The following C8orf58 variants were observed in gnomAD, a reference collection of about 807,000 sequenced individuals.
The protein encoded by C8orf58 is chromosome 8 open reading frame 58.
In C8orf58, 31 loss-of-function variants were observed where a neutral mutation model predicts 36.8. The observed-to-expected ratio is 0.84, with a 90% confidence interval of 0.63 to 1.14. The LOEUF is 1.14. Ranked by LOEUF, C8orf58 falls within the 50% of genes most tolerant of loss-of-function variation. C8orf58 has a pLI of 0.00. For synonymous variants in C8orf58, 230 were observed against 200.2 expected, an observed-to-expected ratio of 1.15 and a Z score of -1.26; for missense variants, 538 against 480.8, an observed-to-expected ratio of 1.12 and a Z score of -1.11.
At position 22,601,218 on chromosome 8, in the gene C8orf58, C is replaced by T; in HGVS notation, c.377C>T (p.Thr126Ile). Residue 126 changes from threonine (T) to isoleucine (I), a missense_variant, in exon 2 of 7, where the codon ACA becomes ATA. Thr to Ile is a moderately conservative substitution (Grantham distance 89, BLOSUM62 -1). Transcript: ENST00000289989. Reference sequence around the variant, plus strand: ...TTGGAGCGGTCCCGCCGGCTCCCAACAGCTCCCACCAGCTTGTCAGGACAA... The same window carrying T: ...TTGGAGCGGTCCCGCCGGCTCCCAATAGCTCCCACCAGCTTGTCAGGACAA... ...EVLERSRRLP[T>I]APTSLSGQHR... 6.2e-7 allele frequency: 1 copy of T among 1,609,666 alleles called. No homozygotes were observed. The highest frequency in any genetic ancestry group is 8.5e-7 in the Non-Finnish European group (1 of 1,178,682).
At position 22,603,317 on chromosome 8, in the gene C8orf58, T is replaced by G; in HGVS notation, c.*11T>G. On this transcript the variant is annotated 3_prime_UTR_variant, in exon 7 of 7. Transcript: ENST00000289989. ...CTTTCTGTAGGCTGAGACCTCTCGG[T>G]GCACCTGGTGACCCTGGGTGGAGGG... The G allele has an allele frequency of 6.3e-7, 1 of 1,582,766 alleles. No homozygotes were observed. The highest frequency in any genetic ancestry group is 2.2e-5 in the East Asian group (1 of 44,734).
chr8:22,600,065 C>T (rs1035020715), intron 1 of C8orf58: 1 of 269,570 alleles, frequency 3.7e-6, no homozygotes, highest in African/African-American at 2.2e-5. Context: ...CGCCCCAGCC[C>T]CCTCCGTGGC....
chr8:22,600,564 C>T (rs976466042), intron 1 of C8orf58: 1 of 352,142 alleles, frequency 2.8e-6, no homozygotes, highest in African/African-American at 2.1e-5. Context: ...ACTTCTGACT[C>T]GGGAGATCGT....
At chr8:22,601,599 TC>T in intron 2 of C8orf58, 112 bp from the exon 3 acceptor site, 1 of 1,315,650 alleles carries the variant, frequency 7.6e-7, no homozygotes, top group Non-Finnish European at 1.0e-6. Context: ...CTGCGTGTGT[TC>T]CTCCTCGGGG....
rs200701417 is a variant in C8orf58, at chr8:22,602,182, C to T, written c.767-18C>T. On this transcript the variant is annotated intron_variant, in intron 4 of 6. Transcript: ENST00000289989. ...GGGGTGTCTTCTGGCCCTGGCCAAC[C>T]TGACTGTCTTTCTGAAGGAGCAAAG... The T allele has an allele frequency of 4.4e-6, 7 of 1,580,928 alleles. No individual in the cohort carries two copies. In the South Asian group the frequency reaches 5.8e-5, roughly 13 times the overall value.
At position 22,603,519 on chromosome 8, in the gene C8orf58, G is replaced by T. The variant is rs187125121; in HGVS notation, c.*213G>T. Reference sequence around the variant, plus strand: ...GCCCCCAAGATGCCGCAGCTCCAGGGCTCTTCCTCCTCACCAGAAATCCCT... The same window carrying T: ...GCCCCCAAGATGCCGCAGCTCCAGGTCTCTTCCTCCTCACCAGAAATCCCT... On this transcript the variant is annotated 3_prime_UTR_variant, in exon 7 of 7. Coordinates refer to ENST00000289989, the MANE Select transcript of C8orf58 (RefSeq NM_001013842.3). The T allele has an allele frequency of 2.3e-4, 141 of 601,472 alleles. 3 individuals carry two copies. The Admixed American group carries it at 2.6e-3, about 11-fold the overall frequency. The allele number at this position is 601,472 out of a possible 1,614,324, so 37.3% of individuals were successfully genotyped here.
rs766476018 is a variant in C8orf58 at position 22,601,256 on chromosome 8, C to A, written c.415C>A (p.Arg139=). The A allele has an allele frequency of 6.2e-7, 1 of 1,609,522 alleles. No individual in the cohort carries two copies. The highest frequency in any genetic ancestry group is 1.3e-5 in the African/African-American group (1 of 74,882). The change falls in exon 2 of 7, where the codon CGG becomes AGG. Residue 139 remains arginine, a synonymous_variant. Transcript: ENST00000289989. ...TSLSGQHRSL[R]LASKPEREVP... ...CTTGTCAGGACAACACCGCTCCCTG[C>A]GGCTGGCAAGCAAGCCTGAGCGTGA...
Position 22,603,449 on chromosome 8 carries a change from T to C in C8orf58, c.*143T>C. The C allele has an allele frequency of 2.8e-6, 2 of 712,216 alleles. No homozygotes were observed. The highest frequency in any genetic ancestry group is 2.0e-5 in the Admixed American group (1 of 49,772). 44.1% of individuals were successfully genotyped at this position (712,216 alleles called of 1,614,324 possible). A position where few individuals can be genotyped will look rare whatever the true frequency, so the allele number is the denominator to read the frequency against. The stretch of plus-strand genomic sequence containing the variant: ...CCTCTCTTGAGTCGAGGGCTGAATC[T>C]TTCTCCTCTAAGCAGTCTGGTCAGG... On this transcript the variant is annotated 3_prime_UTR_variant, in exon 7 of 7. Coordinates refer to ENST00000289989, the MANE Select transcript of C8orf58 (RefSeq NM_001013842.3).
intron 1 of C8orf58, among the ~76,000 whole-genome samples, chr8:22,600,602 C>T (rs555944008): frequency 2.0e-5 from 3 of 152,338 alleles, no homozygotes; most frequent in East Asian, 3.9e-4. Flanking sequence ...GAAGCGCAGG[C>T]GCAGGCCGTC....
Position 22,603,516 on chromosome 8 carries a change from A to ATTG in C8orf58, c.*210_*211insTTG, listed in dbSNP as rs1800939938. On this transcript the variant is annotated 3_prime_UTR_variant, in exon 7 of 7. Transcript: ENST00000289989. ...GAGGCCCCCAAGATGCCGCAGCTCC[A>ATTG]GGGCTCTTCCTCCTCACCAGAAATC... 2 of 606,706 alleles carry ATTG rather than the reference A, an allele frequency of 3.3e-6. No individual in the cohort carries two copies. Among genetic ancestry groups the ATTG allele is most frequent in the Non-Finnish European group, 6.0e-6 (2 of 335,586 alleles). The allele number at this position is 606,706 out of a possible 1,614,324, so 37.6% of individuals were successfully genotyped here. A position where few individuals can be genotyped will look rare whatever the true frequency, so the allele number is the denominator to read the frequency against.
chr8:22,603,195 G>A lies in C8orf58; in HGVS notation c.987G>A (p.Arg329=). 6.2e-7 allele frequency: 1 copy of A among 1,607,578 alleles called. No homozygotes were observed. Among genetic ancestry groups the A allele is most frequent in the Non-Finnish European group, 8.5e-7 (1 of 1,174,238 alleles). ...CTAATGTCTTCTTTTCATTCCACAG[G>A]ATCGAGTCCAGGGACCTCCCTGAAA... ...PPAPPDGSDP[R]IESRDLPERP... is the part of the protein sequence containing the mutation. The change falls in exon 7 of 7, where the codon AGG becomes AGA. Residue 329 remains arginine, a splice_region_variant and synonymous_variant. Coordinates refer to ENST00000289989, the MANE Select transcript of C8orf58 (RefSeq NM_001013842.3).
chr8:22,603,674 G>T lies in C8orf58; in HGVS notation c.*368G>T, dbSNP rs562871656. On this transcript the variant is annotated 3_prime_UTR_variant, in exon 7 of 7. Coordinates refer to ENST00000289989, the MANE Select transcript of C8orf58 (RefSeq NM_001013842.3). ...ATGGTATGCATATCTCTGTGTGACT[G>T]TCAGTGTTGCAAGCTGGCTGGATCC... 4 of 347,832 alleles carry T rather than the reference G, an allele frequency of 1.1e-5. No individual in the cohort carries two copies. The highest frequency in any genetic ancestry group is 9.4e-5 in the South Asian group (4 of 42,732). 21.5% of individuals were successfully genotyped at this position (347,832 alleles called of 1,614,324 possible).
chr8:22,601,013 G>T lies in C8orf58; in HGVS notation c.172G>T (p.Glu58Ter). ...RGDKFRGVGREALFLKLASRD... is the reference protein window; with the variant it reads ...RGDKFRGVGR The stretch of plus-strand genomic sequence containing the variant: ...TGACAAGTTCAGAGGTGTCGGCAGG[G>T]AGGCACTCTTTCTCAAACTGGCCTC... The change falls in exon 2 of 7, where the codon GAG becomes TAG. Residue 58 changes from glutamate to a stop codon, truncating the protein, a stop_gained. Coordinates refer to ENST00000289989, the MANE Select transcript of C8orf58 (RefSeq NM_001013842.3). LOFTEE classifies it high-confidence loss of function. 6.2e-7 allele frequency: 1 copy of T among 1,612,820 alleles called. No individual in the cohort carries two copies. The highest frequency in any genetic ancestry group is 1.1e-5 in the South Asian group (1 of 91,078).
At position 22,603,757 on chromosome 8, in the gene C8orf58, C is replaced by G; in HGVS notation, c.*451C>G. On this transcript the variant is annotated 3_prime_UTR_variant, in exon 7 of 7. Coordinates refer to ENST00000289989, the MANE Select transcript of C8orf58 (RefSeq NM_001013842.3). ...GTTGATATTCTGGGGGAGGTCACTG[C>G]AGAAGGATGGAACTGACCTTTATTC... The G allele has an allele frequency of 6.6e-6, 2 of 301,092 alleles. No homozygotes were observed. Among genetic ancestry groups the G allele is most frequent in the South Asian group, 5.8e-5 (2 of 34,426 alleles). The allele number at this position is 301,092 out of a possible 1,614,324, so 18.7% of individuals were successfully genotyped here.
rs1800954447 is a variant in C8orf58, at chr8:22,603,886, A to C, written c.*580A>C. 1.6e-5 allele frequency: 3 copies of C among 183,832 alleles called. No homozygotes were observed. The South Asian group carries it at 3.1e-4, about 19-fold the overall frequency. The allele number at this position is 183,832 out of a possible 1,614,324, so 11.4% of individuals were successfully genotyped here. A position where few individuals can be genotyped will look rare whatever the true frequency, so the allele number is the denominator to read the frequency against. On this transcript the variant is annotated 3_prime_UTR_variant, in exon 7 of 7. Transcript: ENST00000289989. ...GCCTCTGCATGGAATCTTGCCCCGG[A>C]CTCCTGAAGACTGCACAAGGAATGA...
Position 22,599,772 on chromosome 8 carries a change from A to AC in C8orf58, c.40+17dup. On this transcript the variant is annotated intron_variant, in intron 1 of 6. Transcript: ENST00000289989. ...CGTGGACGGCCGGGGTGAGTCACCC[A>AC]CCCCCAGGCTGGCCGGGCTCCCCCC... The AC allele has an allele frequency of 1.7e-6, 2 of 1,207,430 alleles. No homozygotes were observed. The highest frequency in any genetic ancestry group is 2.1e-6 in the Non-Finnish European group (2 of 971,032). The allele number at this position is 1,207,430 out of a possible 1,614,324, so 74.8% of individuals were successfully genotyped here.
At position 22,602,543 on chromosome 8, in the gene C8orf58, AT is replaced by A. The variant is rs772616111; in HGVS notation, c.887del (p.Ile296ThrfsTer57). The A allele has an allele frequency of 6.2e-7, 1 of 1,610,664 alleles. No homozygotes were observed. Among genetic ancestry groups the A allele is most frequent in the Non-Finnish European group, 8.5e-7 (1 of 1,177,898 alleles). The stretch of plus-strand genomic sequence containing the variant: ...CCCCTCATCCTCTGCTCAGCGGGAT[AT>A]CTCCCACTGGGACAAGGTCAAGGTC... ...LPSSQGHKRD[I>X]SHWDKVKVLL... is the part of the protein sequence containing the mutation. On this transcript the variant is annotated frameshift_variant, in exon 6 of 7. Transcript: ENST00000289989. LOFTEE classifies it high-confidence loss of function.
chr8:22,600,345 A>G (rs1015847664), intron 1 of C8orf58: 1 of 155,378 alleles, frequency 6.4e-6, no homozygotes, highest in African/African-American at 2.4e-5. Context: ...GCTCACTTAC[A>G]ACAAAAGCCC....
intron 2 of C8orf58, 64 bp downstream of exon 2, chr8:22,601,421 CCTGGAGCTCTCT>C: frequency 7.6e-7 from 1 of 1,318,782 alleles, no homozygotes; most frequent in Non-Finnish European, 1.0e-6. Flanking sequence ...TCTGGTTCTC[CCTGGAGCTCTCT>C]CTGGGTGGGG....
Sources: allele counts gnomAD v4.1 joint callset (sites outside exome capture counted in the v4.1 genomes callset), GRCh38; gene constraint gnomAD v4.1.1; transcripts MANE v1.5; gene names NCBI Gene and HGNC (gene_info 2026-07-23, HGNC 2026-07-21).